The following ROBO1 variants were observed in gnomAD, a reference collection of about 807,000 sequenced individuals.
The protein encoded by ROBO1 is roundabout guidance receptor 1, also known as roundabout homolog 1.
Under a neutral mutation model 195.9 loss-of-function variants are expected in ROBO1, and 149 were observed. That is an observed-to-expected ratio of 0.76 (90% CI 0.67 to 0.87). ROBO1 has a LOEUF of 0.87. Among genes scored for constraint, ROBO1 ranks in the 40% least tolerant of loss-of-function variants. The pLI is 0.00. For synonymous variants in ROBO1, 816 were observed against 733.2 expected (o/e 1.11, Z -1.82); for missense variants, 1,933 against 2,068.3 (o/e 0.93, Z 1.27).
intron 1 of ROBO1, among the ~76,000 whole-genome samples, chr3:79,632,998 A>T (rs1945387992): frequency 6.6e-6 from 1 of 152,164 alleles, no homozygotes; most frequent in South Asian, 2.1e-4. Flanking sequence ...AGAGATACAG[A>T]TGCCAAAAAG....
intron 2 of ROBO1, among the ~76,000 whole-genome samples, chr3:79,232,457 G>GAA (rs200523458): frequency 7.0e-6 from 1 of 143,716 alleles, no homozygotes; most frequent in Non-Finnish European, 1.5e-5. Flanking sequence ...AAACTTAAGA[G>GAA]AAAAAAAAAA....
intron 4 of ROBO1, among the ~76,000 whole-genome samples, chr3:78,865,382 C>T (rs926867196): frequency 2.0e-5 from 3 of 151,774 alleles, no homozygotes; most frequent in African/African-American, 7.3e-5. Flanking sequence ...TTCTCACCAC[C>T]ATATGCTTTA....
At chr3:78,628,322 C>T (rs575368212) in intron 25 of ROBO1, among the ~76,000 whole-genome samples, 1 of 152,292 alleles carries the variant, frequency 6.6e-6, no homozygotes, top group African/African-American at 2.4e-5. Context: ...CAGTCCAATA[C>T]AACCCATTTT....
At chr3:79,055,138 A>C (rs2078780339) in intron 3 of ROBO1, among the ~76,000 whole-genome samples, 1 of 152,232 alleles carries the variant, frequency 6.6e-6, no homozygotes, top group South Asian at 2.1e-4. Flanking sequence ...ACCTCTGCTA[A>C]AGGAATCACC....
At chr3:78,772,375 G>C (rs13083478) in intron 4 of ROBO1, among the ~76,000 whole-genome samples, 37,823 of 151,796 alleles carry the variant, frequency 0.25, 4,929 homozygotes, top group East Asian at 0.49. Flanking sequence ...AAAATCCATA[G>C]TAATATACTT....
chr3:79,694,550 C>A (rs1947386944), intron 1 of ROBO1, among the ~76,000 whole-genome samples: 1 of 151,676 alleles, frequency 6.6e-6, no homozygotes, highest in South Asian at 2.1e-4. Context: ...TGCATTTTCA[C>A]CATCAAGTTA....
chr3:79,271,788 A>G (rs1180858813), intron 2 of ROBO1, among the ~76,000 whole-genome samples: 1 of 152,076 alleles, frequency 6.6e-6, no homozygotes, highest in Non-Finnish European at 1.5e-5. Flanking sequence ...AACACCTGGC[A>G]CATTTGAGTT....
chr3:79,420,858 G>A (rs983348197), intron 2 of ROBO1, among the ~76,000 whole-genome samples: 5 of 152,084 alleles, frequency 3.3e-5, no homozygotes, highest in Non-Finnish European at 4.4e-5. Flanking sequence ...ATTTGACCCA[G>A]AAATCTCATC....
intron 1 of ROBO1, among the ~76,000 whole-genome samples, chr3:79,628,152 A>G (rs923547133): frequency 2.6e-5 from 4 of 152,238 alleles, no homozygotes; most frequent in East Asian, 1.9e-4. Flanking sequence ...CCAAAGGAAT[A>G]TAAGTCATTC....
At chr3:79,261,155 A>G (rs1376037605) in intron 2 of ROBO1, among the ~76,000 whole-genome samples, 2 of 152,068 alleles carry the variant, frequency 1.3e-5, no homozygotes, top group Non-Finnish European at 2.9e-5. Flanking sequence ...TCTGACTTTC[A>G]AGGAACATAG....
chr3:79,738,358 T>C (rs2107402143), intron 1 of ROBO1, among the ~76,000 whole-genome samples: 1 of 152,306 alleles, frequency 6.6e-6, no homozygotes, highest in South Asian at 2.1e-4. Context: ...AATTTTTATC[T>C]AACACAATGT....
At chr3:79,148,127 C>A (rs1368269397) in intron 2 of ROBO1, among the ~76,000 whole-genome samples, 1 of 151,758 alleles carries the variant, frequency 6.6e-6, no homozygotes, top group Non-Finnish European at 1.5e-5. Context: ...TTCTTTGATT[C>A]CTCCCTCTTC....
At chr3:79,209,879 C>T (rs534583139) in intron 2 of ROBO1, among the ~76,000 whole-genome samples, 1 of 152,196 alleles carries the variant, frequency 6.6e-6, no homozygotes, top group African/African-American at 2.4e-5. Context: ...ATTAGTAGCA[C>T]TGCCATACAC....
At chr3:78,876,645 A>G (rs539128189) in intron 4 of ROBO1, among the ~76,000 whole-genome samples, 70 of 152,300 alleles carry the variant, frequency 4.6e-4, no homozygotes, top group African/African-American at 1.7e-3. Context: ...AAGTCAAGAT[A>G]CTCTTAAATA....
intron 4 of ROBO1, among the ~76,000 whole-genome samples, chr3:78,788,851 T>C (rs886515145): frequency 6.6e-6 from 1 of 152,162 alleles, no homozygotes; most frequent in Non-Finnish European, 1.5e-5. Context: ...ATATCTCTAA[T>C]GTAGTGTAAA....
intron 2 of ROBO1, among the ~76,000 whole-genome samples, chr3:79,539,678 A>G (rs1472563387): frequency 6.6e-6 from 1 of 152,212 alleles, no homozygotes; most frequent in African/African-American, 2.4e-5. Context: ...AAAACTTTCA[A>G]TCTTTGAACT....
At chr3:78,968,899 A>G (rs2076705456) in intron 3 of ROBO1, among the ~76,000 whole-genome samples, 1 of 152,198 alleles carries the variant, frequency 6.6e-6, no homozygotes, top group Non-Finnish European at 1.5e-5. Flanking sequence ...TCTGTATTTT[A>G]TCTTAATGAA....
chr3:79,531,842 T>C (rs1200682702), intron 2 of ROBO1, among the ~76,000 whole-genome samples: 2 of 105,884 alleles, frequency 1.9e-5, no homozygotes. Context: ...AAGCATGAAG[T>C]CCGAATCATA....
intron 3 of ROBO1, among the ~76,000 whole-genome samples, chr3:79,087,003 T>C (rs887264062): frequency 2.6e-5 from 4 of 152,214 alleles, no homozygotes; most frequent in East Asian, 1.9e-4. Flanking sequence ...CATTTTGATA[T>C]GTACCTTTAA....
Sources: gnomAD v4.1 joint callset for allele counts (sites outside exome capture counted in the v4.1 genomes callset) on GRCh38, gnomAD v4.1.1 for gene constraint, MANE v1.5 for transcripts, NCBI Gene and HGNC (gene_info 2026-07-23, HGNC 2026-07-21) for gene names.